The following VPS13B variants were observed in gnomAD, a reference collection of about 807,000 sequenced individuals.
VPS13B encodes the protein vacuolar protein sorting 13 homolog B.
A neutral mutation model predicts 426.4 loss-of-function variants in VPS13B; 285 were observed. The observed-to-expected ratio is 0.67, with a 90% CI of 0.61 to 0.74. VPS13B has a LOEUF of 0.74. Among genes scored for constraint, VPS13B ranks in the 30% least tolerant of loss-of-function variants. The pLI is 0.00. For missense variants in VPS13B, 4,537 were observed against 4,782.6 expected, an observed-to-expected ratio of 0.95 and a Z score of 1.51; for synonymous variants, 1,676 against 1,676.4, an observed-to-expected ratio of 1.00 and a Z score of 0.01.
intron 39 of VPS13B, among the ~76,000 whole-genome samples, chr8:99,739,119 C>A (rs1217089211): frequency 1.3e-5 from 2 of 152,206 alleles, no homozygotes; most frequent in Non-Finnish European, 2.9e-5. Context: ...CAGGTCACTC[C>A]CACCCTAATA....
chr8:99,537,763 A>G (rs960387056), intron 30 of VPS13B, among the ~76,000 whole-genome samples: 4 of 152,116 alleles, frequency 2.6e-5, no homozygotes, highest in Non-Finnish European at 5.9e-5. Flanking sequence ...AATTCTTTTC[A>G]TGTGTTTGGT....
intron 16 of VPS13B, among the ~76,000 whole-genome samples, chr8:99,190,590 T>G (rs1376495850): frequency 6.6e-6 from 1 of 152,146 alleles, no homozygotes; most frequent in Non-Finnish European, 1.5e-5. Context: ...CCTTTTAGTT[T>G]TATGGCTTTA....
chr8:99,094,761 T>C (rs1846334157), intron 3 of VPS13B, among the ~76,000 whole-genome samples: 1 of 152,196 alleles, frequency 6.6e-6, no homozygotes, highest in African/African-American at 2.4e-5. Context: ...GATTATTCTT[T>C]TATATGCTCT....
intron 39 of VPS13B, among the ~76,000 whole-genome samples, chr8:99,759,601 C>T (rs1282216285): frequency 6.6e-6 from 1 of 152,126 alleles, no homozygotes; most frequent in Admixed American, 6.5e-5. Flanking sequence ...AATTGCCAAC[C>T]CCTTATTCAG....
intron 43 of VPS13B, among the ~76,000 whole-genome samples, chr8:99,793,325 A>T (rs932198553): frequency 1.3e-5 from 2 of 148,772 alleles, no homozygotes; most frequent in African/African-American, 4.9e-5. Flanking sequence ...TGAAGATACC[A>T]GGAACATCAT....
At chr8:99,368,044 G>T (rs144944072) in intron 19 of VPS13B, among the ~76,000 whole-genome samples, 13 of 152,296 alleles carry the variant, frequency 8.5e-5, no homozygotes, top group African/African-American at 3.1e-4. Flanking sequence ...TAATTATTGG[G>T]AAAGAAAGAG....
chr8:99,836,899 A>G (rs1815424419), intron 54 of VPS13B, among the ~76,000 whole-genome samples: 2 of 152,184 alleles, frequency 1.3e-5, no homozygotes, highest in South Asian at 2.1e-4. Context: ...AGAAACTAAG[A>G]CCTCCAGAAG....
intron 36 of VPS13B, among the ~76,000 whole-genome samples, chr8:99,704,310 C>A: frequency 6.6e-6 from 1 of 152,086 alleles, no homozygotes; most frequent in East Asian, 1.9e-4. Flanking sequence ...ACCTAAAGTT[C>A]CTTTTCATGT....
chr8:99,478,695 T>C (rs539359948), intron 24 of VPS13B, among the ~76,000 whole-genome samples: 6 of 151,990 alleles, frequency 3.9e-5, no homozygotes, highest in Admixed American at 2.0e-4. Context: ...GTGATCCGCC[T>C]GCCTTGGCCT....
At chr8:99,019,089 A>G (rs1330660601) in intron 2 of VPS13B, among the ~76,000 whole-genome samples, 1 of 151,052 alleles carries the variant, frequency 6.6e-6, no homozygotes, top group East Asian at 1.9e-4. Flanking sequence ...TTATTGATTT[A>G]TTTGTGAGGT....
chr8:99,664,369 A>G (rs1459483194), intron 35 of VPS13B, among the ~76,000 whole-genome samples: 1 of 151,122 alleles, frequency 6.6e-6, no homozygotes, highest in Non-Finnish European at 1.5e-5. Flanking sequence ...CACAACATGC[A>G]GGTTTGTTAC....
intron 17 of VPS13B, among the ~76,000 whole-genome samples, chr8:99,241,667 TGGAAAAGCCAG>T (rs1816938836): frequency 6.6e-6 from 1 of 152,218 alleles, no homozygotes; most frequent in East Asian, 1.9e-4. Flanking sequence ...ATAAAAATAG[TGGAAAAGCCAG>T]TTATTCAAAA....
chr8:99,102,450 C>T (rs955567598), intron 4 of VPS13B, among the ~76,000 whole-genome samples: 1 of 152,030 alleles, frequency 6.6e-6, no homozygotes, highest in Non-Finnish European at 1.5e-5. Flanking sequence ...CATGTTTCTT[C>T]TATCCGAGGC....
At chr8:99,675,244 C>T (rs1168839866) in intron 35 of VPS13B, among the ~76,000 whole-genome samples, 2 of 152,056 alleles carry the variant, frequency 1.3e-5, no homozygotes. Flanking sequence ...GTTTGTTTTC[C>T]AGCTCTTTGA....
At chr8:99,632,368 A>G (rs1215864101) in intron 33 of VPS13B, among the ~76,000 whole-genome samples, 2 of 152,012 alleles carry the variant, frequency 1.3e-5, no homozygotes, top group African/African-American at 4.8e-5. Flanking sequence ...CCATATGACC[A>G]AAAATATCCA....
intron 39 of VPS13B, among the ~76,000 whole-genome samples, chr8:99,764,014 GA>G (rs1481348267): frequency 6.6e-6 from 1 of 152,150 alleles, no homozygotes; most frequent in African/African-American, 2.4e-5. Flanking sequence ...ACTTATTTAG[GA>G]AAGAAAGGTT....
chr8:99,233,074 C>T (rs1588160135), intron 17 of VPS13B: 1 of 1,333,498 alleles, frequency 7.5e-7, no homozygotes, highest in East Asian at 2.3e-5. Flanking sequence ...TGAGGCGACT[C>T]CCTGAGGGTA....
intron 17 of VPS13B, among the ~76,000 whole-genome samples, chr8:99,230,279 A>G (rs1241026846): frequency 6.6e-6 from 1 of 152,172 alleles, no homozygotes; most frequent in Non-Finnish European, 1.5e-5. Context: ...TGAGTCGTTA[A>G]AGTTTAGTCC....
chr8:99,178,427 G>A (rs1352420773), intron 16 of VPS13B, among the ~76,000 whole-genome samples: 1 of 151,158 alleles, frequency 6.6e-6, no homozygotes, highest in African/African-American at 2.4e-5. Flanking sequence ...CCCTTGTATA[G>A]CATTTTGTAC....
Sources: allele counts gnomAD v4.1 joint callset (sites outside exome capture counted in the v4.1 genomes callset), GRCh38; gene constraint gnomAD v4.1.1; transcripts MANE v1.5; gene names NCBI Gene and HGNC (gene_info 2026-07-23, HGNC 2026-07-21).